TIMD4: variants seen among roughly 807,000 people sequenced by gnomAD.
TIMD4 encodes T-cell immunoglobulin and mucin domain-containing protein 4.
Under a neutral mutation model 41.2 loss-of-function variants are expected in TIMD4, and 31 were observed. That is an observed-to-expected ratio of 0.75 (90% CI 0.57 to 1.01). TIMD4 has a LOEUF of 1.01. Ranked by LOEUF, TIMD4 falls within the 50% of genes least tolerant of loss-of-function variation. The pLI is 0.00. For synonymous variants in TIMD4, 204 were observed against 177.1 expected, an observed-to-expected ratio of 1.15 and a Z score of -1.21; for missense variants, 479 against 472.5, an observed-to-expected ratio of 1.01 and a Z score of -0.13.
intron 6 of TIMD4, among the ~76,000 whole-genome samples, chr5:156,922,483 C>T (rs1759262106): frequency 6.6e-6 from 1 of 152,216 alleles, no homozygotes. Flanking sequence ...ATGGTCAAAT[C>T]TCTTTCCTAG....
rs200061681 is a variant in TIMD4, at chr5:156,947,197, CA to C, written c.844+1218del. Among the ~76,000 whole-genome samples the C allele has an allele frequency of 1.3e-4, 18 of 140,516 alleles. No individual in the cohort carries two copies. In the East Asian group the frequency reaches 2.3e-3, roughly 18 times the overall value. The allele number at this position is 140,516 out of a possible 152,430, so 92.2% of individuals were successfully genotyped here. A position where few individuals can be genotyped will look rare whatever the true frequency, so the allele number is the denominator to read the frequency against. ...TGGGCTACAGAGTGAGGCTCTGTCT[CA>C]AAAAAAAAATAAAATAGAAAGAAAG... On this transcript the variant is annotated intron_variant, in intron 5 of 8. Coordinates refer to ENST00000274532, the MANE Select transcript of TIMD4 (RefSeq NM_138379.3).
At chr5:156,955,037 C>G (rs879755183) in intron 1 of TIMD4, among the ~76,000 whole-genome samples, 1 of 152,004 alleles carries the variant, frequency 6.6e-6, no homozygotes, top group Non-Finnish European at 1.5e-5. Context: ...GGCAGCATTC[C>G]CAGCTAATTT....
chr5:156,929,178 G>A (rs1489045375), intron 5 of TIMD4, among the ~76,000 whole-genome samples: 1 of 152,188 alleles, frequency 6.6e-6, no homozygotes, highest in Admixed American at 6.5e-5. Context: ...AGCCATGCCA[G>A]TGGCAAGGGG....
At chr5:156,956,952 C>T (rs1335986307) in intron 1 of TIMD4, among the ~76,000 whole-genome samples, 3 of 152,092 alleles carry the variant, frequency 2.0e-5, no homozygotes, top group Non-Finnish European at 4.4e-5. Flanking sequence ...ATTCCTCTCT[C>T]TAGGAGAAGG....
rs1191482853 is a variant in TIMD4, at chr5:156,957,520, A to AAAAAAAAAG, written c.59-2765_59-2764insCTTTTTTTT. ...AGAGCGAGAGTCTATCTCAAAAAAA[A>AAAAAAAAAG]AAAAGAAAAAAGAAAAAGAAAAAAG... On this transcript the variant is annotated intron_variant, in intron 1 of 8. Coordinates refer to ENST00000274532, the MANE Select transcript of TIMD4 (RefSeq NM_138379.3). Among the ~76,000 whole-genome samples the AAAAAAAAAG allele has an allele frequency of 1.5e-4, 22 of 149,424 alleles. 1 individual carries two copies. Among genetic ancestry groups the AAAAAAAAAG allele is most frequent in the Admixed American group, 3.3e-4 (5 of 15,136 alleles).
chr5:156,940,343 A>C (rs1759620023), intron 5 of TIMD4, among the ~76,000 whole-genome samples: 1 of 152,050 alleles, frequency 6.6e-6, no homozygotes, highest in Non-Finnish European at 1.5e-5. Context: ...TGGCCTCCCA[A>C]AGTGCTGAGA....
chr5:156,933,432 C>T (rs945548971), intron 5 of TIMD4, among the ~76,000 whole-genome samples: 8 of 151,630 alleles, frequency 5.3e-5, no homozygotes, highest in African/African-American at 1.9e-4. Flanking sequence ...ACAGCTTGGG[C>T]AACAGAGTGA....
intron 1 of TIMD4, among the ~76,000 whole-genome samples, chr5:156,955,593 T>C (rs920592127): frequency 6.6e-6 from 1 of 151,864 alleles, no homozygotes; most frequent in African/African-American, 2.4e-5. Flanking sequence ...GAGGCAGAGC[T>C]TGCAGTGAGC....
At position 156,954,545 on chromosome 5, in the gene TIMD4, GA is replaced by G. The variant is rs1561554527; in HGVS notation, c.269del (p.Ile90ThrfsTer8). 1 of 1,614,242 alleles carries G rather than the reference GA, an allele frequency of 6.2e-7. No homozygotes were observed. ...TGGTCAAGGAGACATCACCTCTCGG[GA>G]TAGTCCCCTGAAGTCTATATTTTGC... Reference protein sequence around the residue: ...KSAKYRLQGTIPRGDVSLTIL... With the variant: ...KSAKYRLQGTXPRGDVSLTIL... On this transcript the variant is annotated frameshift_variant, in exon 2 of 9. Coordinates refer to ENST00000274532, the MANE Select transcript of TIMD4 (RefSeq NM_138379.3). LOFTEE classifies it high-confidence loss of function.
chr5:156,949,359 T>A (rs897223340), intron 4 of TIMD4, among the ~76,000 whole-genome samples: 3 of 152,086 alleles, frequency 2.0e-5, no homozygotes, highest in Admixed American at 2.0e-4. Context: ...CCTAGAGATG[T>A]ACCATGAGCT....
Position 156,954,684 on chromosome 5 carries a change from G to T in TIMD4, c.131C>A (p.Ser44Tyr), listed in dbSNP as rs115724540. 116 of 1,614,176 alleles carry T rather than the reference G, an allele frequency of 7.2e-5. No homozygotes were observed. In the African/African-American group the frequency reaches 1.4e-3, roughly 19 times the overall value. ...HRVTLPCLYS[S>Y]WSHNSNSMCW... ...CATGCTGTTGCTGTTGTGAGACCAG[G>T]ATGAGTACAGACAGGGCAAAGTCAC... The change falls in exon 2 of 9, where the codon TCC becomes TAC. Residue 44 changes from serine (S) to tyrosine (Y), a missense_variant. By Grantham distance (144) the Ser-to-Tyr change is moderately radical. Coordinates refer to ENST00000274532, the MANE Select transcript of TIMD4 (RefSeq NM_138379.3).
intron 5 of TIMD4, among the ~76,000 whole-genome samples, chr5:156,935,992 G>A (rs1297455098): frequency 1.3e-5 from 2 of 152,136 alleles, no homozygotes; most frequent in South Asian, 2.1e-4. Context: ...GTAATCCAGC[G>A]CTTTGGGAGG....
intron 7 of TIMD4, among the ~76,000 whole-genome samples, chr5:156,921,881 T>G (rs1161550411): frequency 6.6e-6 from 1 of 152,178 alleles, no homozygotes; most frequent in Non-Finnish European, 1.5e-5. Context: ...TTTTTTTCCT[T>G]TTCCAAAACG....
intron 4 of TIMD4, among the ~76,000 whole-genome samples, chr5:156,949,405 C>G (rs1263533063): frequency 1.4e-5 from 2 of 144,620 alleles, no homozygotes; most frequent in Non-Finnish European, 3.0e-5. Flanking sequence ...AAGGGTCTTC[C>G]TTTTCCCTAC....
intron 8 of TIMD4, among the ~76,000 whole-genome samples, chr5:156,920,234 C>T (rs961135780): frequency 1.3e-5 from 2 of 152,186 alleles, no homozygotes; most frequent in Non-Finnish European, 2.9e-5. Flanking sequence ...GCGTGCTATA[C>T]TTCTATTAAT....
chr5:156,956,749 G>A (rs1235800084), intron 1 of TIMD4, among the ~76,000 whole-genome samples: 2 of 152,244 alleles, frequency 1.3e-5, no homozygotes, highest in South Asian at 2.1e-4. Flanking sequence ...CAGGCAGGCT[G>A]TAGATCTCAG....
At position 156,926,315 on chromosome 5, in the gene TIMD4, G is replaced by T; in HGVS notation, c.845-3C>A. 4 of 1,613,388 alleles carry T rather than the reference G, an allele frequency of 2.5e-6. No homozygotes were observed. The highest frequency in any genetic ancestry group is 1.1e-5 in the South Asian group (1 of 91,040). On this transcript the variant is annotated splice_region_variant and splice_polypyrimidine_tract_variant and intron_variant, in intron 5 of 8. Coordinates refer to ENST00000274532, the MANE Select transcript of TIMD4 (RefSeq NM_138379.3). ...CTCAGGAACTGCTGTATCAGATGCT[G>T]GGAAGGAAAAGAGAAGAAAATGGTT...
intron 5 of TIMD4, among the ~76,000 whole-genome samples, chr5:156,946,685 C>A (rs1336713417): frequency 6.6e-6 from 1 of 151,172 alleles, no homozygotes; most frequent in Non-Finnish European, 1.5e-5. Flanking sequence ...CGGGGTTTCA[C>A]CATGTTAGAC....
At position 156,954,604 on chromosome 5, in the gene TIMD4, T is replaced by A. The variant is rs758686207; in HGVS notation, c.211A>T (p.Thr71Ser). 1.2e-6 allele frequency: 2 copies of A among 1,614,082 alleles called. No homozygotes were observed. The highest frequency in any genetic ancestry group is 4.5e-5 in the East Asian group (2 of 44,886). The stretch of plus-strand genomic sequence containing the variant: ...CTTGAGGTCACCCTCATTCCATCAG[T>A]GCGGATGAGCGCCTCCTTGCAACCG... ...YSGCKEALIR[T>S]DGMRVTSRKS... The change falls in exon 2 of 9, where the codon ACT (threonine) becomes TCT (serine). Residue 71 changes from threonine (T) to serine (S), a missense_variant. By Grantham distance (58) the Thr-to-Ser change is moderately conservative. Transcript: ENST00000274532.
Sources: gnomAD v4.1 joint callset for allele counts (sites outside exome capture counted in the v4.1 genomes callset) on GRCh38, gnomAD v4.1.1 for gene constraint, MANE v1.5 for transcripts, NCBI Gene and HGNC (gene_info 2026-07-23, HGNC 2026-07-21) for gene names.